Variants in SAMD4A observed in about 807,000 individuals in gnomAD.
SAMD4A encodes protein Smaug homolog 1.
SAMD4A carries 33 observed loss-of-function variants against 81.3 expected under a neutral mutation model. The ratio of observed to expected loss-of-function variants is 0.41; its 90% CI spans 0.31 to 0.54. SAMD4A has a LOEUF of 0.54. Ranked by LOEUF, SAMD4A falls within the 20% of genes least tolerant of loss-of-function variation. The probability of loss-of-function intolerance (pLI) is 0.37; values close to 1 mark genes in which losing one functional copy is unlikely to be tolerated. For missense variants in SAMD4A, 854 were observed against 951.1 expected, an observed-to-expected ratio of 0.90 and a Z score of 1.34; for synonymous variants, 389 against 382.1, an observed-to-expected ratio of 1.02 and a Z score of -0.21.
chr14:54,574,310 C>T (rs1235902809), intron 2 of SAMD4A, among the ~76,000 whole-genome samples: 2 of 152,148 alleles, frequency 1.3e-5, no homozygotes, highest in African/African-American at 2.4e-5. Context: ...GAGAGAACAG[C>T]GTGGATTGGG....
At chr14:54,781,866 G>T (rs1488542414) in intron 11 of SAMD4A, among the ~76,000 whole-genome samples, 1 of 152,192 alleles carries the variant, frequency 6.6e-6, no homozygotes, top group African/African-American at 2.4e-5. Context: ...TGTCTTATAC[G>T]TGCGGCGAGA....
chr14:54,625,052 A>G, intron 2 of SAMD4A, among the ~76,000 whole-genome samples: 1 of 152,176 alleles, frequency 6.6e-6, no homozygotes, highest in East Asian at 1.9e-4. Context: ...CTGTGCTACT[A>G]TGGCAAAGTT....
chr14:54,649,328 T>C (rs890224957), intron 2 of SAMD4A, among the ~76,000 whole-genome samples: 3 of 152,176 alleles, frequency 2.0e-5, no homozygotes, highest in Admixed American at 6.5e-5. Context: ...ACAGAGGTTT[T>C]AGGGAGTGGG....
chr14:54,790,261 C>G lies in SAMD4A; in HGVS notation c.*1317C>G, dbSNP rs2039236458. 2 of 152,344 alleles carry G rather than the reference C, an allele frequency of 1.3e-5. No homozygotes were observed. Among genetic ancestry groups the G allele is most frequent in the Admixed American group, 6.5e-5 (1 of 15,286 alleles). 9.4% of individuals were successfully genotyped at this position (152,344 alleles called of 1,614,324 possible). On this transcript the variant is annotated 3_prime_UTR_variant, in exon 13 of 13. Transcript: ENST00000554335. ...AGTCAGCAAGTCCAGAGAGCACATGCAGGGAGATGTTTGGCCCACACCGCA... is the reference window on the plus strand; with the variant it reads ...AGTCAGCAAGTCCAGAGAGCACATGGAGGGAGATGTTTGGCCCACACCGCA...
intron 2 of SAMD4A, among the ~76,000 whole-genome samples, chr14:54,623,894 G>A (rs527535735): frequency 6.6e-6 from 1 of 152,306 alleles, no homozygotes; most frequent in African/African-American, 2.4e-5. Context: ...GAATGGTTCT[G>A]TTTTCATAAG....
At chr14:54,713,651 T>G (rs1396246050) in intron 3 of SAMD4A, among the ~76,000 whole-genome samples, 2 of 152,204 alleles carry the variant, frequency 1.3e-5, no homozygotes, top group Non-Finnish European at 2.9e-5. Flanking sequence ...CTTTCTGAGA[T>G]GCATCCTTTT....
chr14:54,739,887 T>G (rs2037803568), intron 4 of SAMD4A, among the ~76,000 whole-genome samples: 1 of 152,220 alleles, frequency 6.6e-6, no homozygotes, highest in Non-Finnish European at 1.5e-5. Context: ...AAATGAGATA[T>G]GGCTGGGTGC....
chr14:54,623,385 C>G (rs1172464753), intron 2 of SAMD4A, among the ~76,000 whole-genome samples: 2 of 146,806 alleles, frequency 1.4e-5, no homozygotes, highest in African/African-American at 5.0e-5. Context: ...CATTAAAGAC[C>G]CTGAGCAGGT....
chr14:54,626,924 G>A, intron 2 of SAMD4A, among the ~76,000 whole-genome samples: 1 of 152,170 alleles, frequency 6.6e-6, no homozygotes. Flanking sequence ...GTTTGTCCGT[G>A]ATTATTTGAC....
chr14:54,768,468 C>G (rs2038614812), intron 8 of SAMD4A, among the ~76,000 whole-genome samples: 1 of 152,166 alleles, frequency 6.6e-6, no homozygotes, highest in African/African-American at 2.4e-5. Flanking sequence ...TGCAGGGATT[C>G]GAGCCCTGCC....
intron 2 of SAMD4A, among the ~76,000 whole-genome samples, chr14:54,603,075 A>C (rs982749346): frequency 2.6e-5 from 4 of 152,214 alleles, no homozygotes; most frequent in African/African-American, 4.8e-5. Context: ...CCCCTTACTC[A>C]GGTGCCCACC....
At position 54,791,408 on chromosome 14, in the gene SAMD4A, GGAA is replaced by G. The variant is rs1285788889; in HGVS notation, c.*2470_*2472del. The G allele has an allele frequency of 6.6e-6, 1 of 152,170 alleles. No homozygotes were observed. The highest frequency in any genetic ancestry group is 1.5e-5 in the Non-Finnish European group (1 of 68,020). 9.4% of individuals were successfully genotyped at this position (152,170 alleles called of 1,614,324 possible). A position where few individuals can be genotyped will look rare whatever the true frequency, so the allele number is the denominator to read the frequency against. Reference sequence around the variant, plus strand: ...TCACATTCGCATGAATCCTTTAAAAGGAAGAAGACCTTAAAGTATCTGCAAATC... The same window carrying G: ...TCACATTCGCATGAATCCTTTAAAAGGAAGACCTTAAAGTATCTGCAAATC... On this transcript the variant is annotated 3_prime_UTR_variant, in exon 13 of 13. Coordinates refer to ENST00000554335, the MANE Select transcript of SAMD4A (RefSeq NM_015589.6).
At chr14:54,725,757 A>G (rs1414507620) in intron 3 of SAMD4A, among the ~76,000 whole-genome samples, 1 of 152,240 alleles carries the variant, frequency 6.6e-6, no homozygotes, top group Admixed American at 6.5e-5. Flanking sequence ...ATAATCACAT[A>G]ACGTAGCCTT....
intron 7 of SAMD4A, among the ~76,000 whole-genome samples, chr14:54,762,438 T>G (rs1281694316): frequency 1.3e-5 from 2 of 152,214 alleles, no homozygotes; most frequent in South Asian, 2.1e-4. Context: ...AAATTCATAG[T>G]AATCTGGTGG....
intron 8 of SAMD4A, 54 bp from the exon 9 acceptor site, chr14:54,770,050 T>C: frequency 8.9e-7 from 1 of 1,118,802 alleles, no homozygotes; most frequent in Non-Finnish European, 1.4e-6. Context: ...TGCATGTTTC[T>C]CCCTCTAATG....
At chr14:54,786,116 C>G (rs558316510) in intron 12 of SAMD4A, among the ~76,000 whole-genome samples, 6 of 151,930 alleles carry the variant, frequency 3.9e-5, no homozygotes, top group Admixed American at 6.5e-5. Context: ...GAACATGGCT[C>G]AAAAAAATGT....
At chr14:54,670,331 TA>T (rs1424386076) in intron 2 of SAMD4A, among the ~76,000 whole-genome samples, 1 of 152,184 alleles carries the variant, frequency 6.6e-6, no homozygotes, top group Non-Finnish European at 1.5e-5. Flanking sequence ...TGTGTAAGGG[TA>T]GCTTTTCACA....
At chr14:54,650,931 T>A (rs1333798446) in intron 2 of SAMD4A, among the ~76,000 whole-genome samples, 2 of 152,226 alleles carry the variant, frequency 1.3e-5, no homozygotes, top group African/African-American at 4.8e-5. Context: ...ACTGAGGTCG[T>A]GAAAGGTCAG....
intron 2 of SAMD4A, among the ~76,000 whole-genome samples, chr14:54,673,286 G>A (rs967066679): frequency 2.6e-5 from 4 of 152,290 alleles, no homozygotes; most frequent in Admixed American, 6.5e-5. Context: ...GCTCTTTCAC[G>A]CTCAGGCCTA....
Sources: allele counts gnomAD v4.1 joint callset (sites outside exome capture counted in the v4.1 genomes callset), GRCh38; gene constraint gnomAD v4.1.1; transcripts MANE v1.5; gene names NCBI Gene and HGNC (gene_info 2026-07-23, HGNC 2026-07-21).